The following TMEM209 variants were observed in gnomAD, a reference collection of about 807,000 sequenced individuals.
The protein encoded by TMEM209 is testicular tissue protein Li 202.
In TMEM209, 65 loss-of-function variants were observed where a neutral mutation model predicts 76.2. That is an observed-to-expected ratio of 0.85 (90% CI 0.70 to 1.05). The LOEUF is 1.05. Among genes scored for constraint, TMEM209 ranks in the 50% least tolerant of loss-of-function variants. The pLI, the probability that TMEM209 is intolerant of heterozygous loss-of-function variation, is 0.00. For synonymous variants in TMEM209, 239 were observed against 237.6 expected, an observed-to-expected ratio of 1.01 and a Z score of -0.06; for missense variants, 623 against 685.5, an observed-to-expected ratio of 0.91 and a Z score of 1.02.
Position 130,202,170 on chromosome 7 carries a change from C to G in TMEM209, c.332-79G>C, listed in dbSNP as rs1333157468. On this transcript the variant is annotated intron_variant, in intron 4 of 14. Transcript: ENST00000397622. ...CGAAAATATATTTAAGCAACTAAGTCTTTCTCTTAAGGGAAAAAAGTTAAC... is the reference window on the plus strand; with the variant it reads ...CGAAAATATATTTAAGCAACTAAGTGTTTCTCTTAAGGGAAAAAAGTTAAC... The G allele has an allele frequency of 5.4e-6, 8 of 1,494,618 alleles. No homozygotes were observed. In the East Asian group the frequency reaches 1.8e-4, roughly 34 times the overall value. The allele number at this position is 1,494,618 out of a possible 1,614,324, so 92.6% of individuals were successfully genotyped here.
intron 14 of TMEM209, among the ~76,000 whole-genome samples, 185 bp downstream of exon 14, chr7:130,170,215 T>C (rs1045859067): frequency 2.0e-5 from 3 of 152,238 alleles, no homozygotes; most frequent in African/African-American, 7.2e-5. Context: ...CTTTTACCAA[T>C]GGGTTCCGAG....
chr7:130,168,832 T>C (rs1468433612), intron 14 of TMEM209, among the ~76,000 whole-genome samples: 3 of 152,218 alleles, frequency 2.0e-5, no homozygotes, highest in Admixed American at 2.0e-4. Flanking sequence ...TTTAAATACT[T>C]ATCTACTGAG....
chr7:130,178,460 T>C lies in TMEM209; in HGVS notation c.1188A>G (p.Thr396=), dbSNP rs764470166. 2 of 1,613,720 alleles carry C rather than the reference T, an allele frequency of 1.2e-6. No homozygotes were observed. Among genetic ancestry groups the C allele is most frequent in the South Asian group, 1.1e-5 (1 of 91,068 alleles). The change falls in exon 10 of 15, where the codon ACA becomes ACG. Residue 396 remains threonine, a synonymous_variant. Coordinates refer to ENST00000397622, the MANE Select transcript of TMEM209 (RefSeq NM_032842.4). ...VKAPLIPTLN[T]IVQYLDLTPN... ...GAGTAAGGTCTAGATACTGAACGAT[T>C]GTGTTCAAAGTCGGAATGAGAGGCG...
At chr7:130,171,741 T>TA (rs1797073494) in intron 13 of TMEM209, among the ~76,000 whole-genome samples, 1 of 151,694 alleles carries the variant, frequency 6.6e-6, no homozygotes, top group Admixed American at 6.6e-5. Flanking sequence ...TAATTAAGAG[T>TA]AAAAAACCAG....
At chr7:130,184,151 T>A (rs1223563760) in intron 8 of TMEM209, 33 bp downstream of exon 8, 5 of 1,456,194 alleles carry the variant, frequency 3.4e-6, no homozygotes, top group Non-Finnish European at 4.7e-6. Flanking sequence ...TAAGAGGCAC[T>A]AATATTGTCC....
chr7:130,184,882 T>G (rs550683175), intron 7 of TMEM209, among the ~76,000 whole-genome samples: 28 of 152,246 alleles, frequency 1.8e-4, no homozygotes, highest in Non-Finnish European at 3.8e-4. Context: ...AAATATATTT[T>G]AAAAGCAAGA....
chr7:130,175,456 T>C, intron 11 of TMEM209, 56 bp downstream of exon 11: 1 of 1,503,354 alleles, frequency 6.7e-7, no homozygotes, highest in East Asian at 2.4e-5. Flanking sequence ...AGTAAGACCC[T>C]GTGTCAGTCA....
intron 13 of TMEM209, among the ~76,000 whole-genome samples, chr7:130,171,564 T>C (rs1421215877): frequency 5.3e-5 from 8 of 152,206 alleles, no homozygotes; most frequent in Non-Finnish European, 4.4e-5. Flanking sequence ...TGGCCCAAAG[T>C]ATTTACATAC....
chr7:130,184,079 A>G (rs1584678902), intron 8 of TMEM209, 105 bp downstream of exon 8: 2 of 733,050 alleles, frequency 2.7e-6, no homozygotes, highest in East Asian at 2.8e-5. Context: ...CTGTACCTTT[A>G]TAACTAATAT....
In TMEM209 at chr7:130,166,339, A is replaced by G. The variant is rs1355003314; in HGVS notation, c.*112T>C. ...TTTCTGTTAAATCTAAAGAGTCTGT[A>G]ACATACACCCATGTGTATTTTATTT... On this transcript the variant is annotated 3_prime_UTR_variant, in exon 15 of 15. Transcript: ENST00000397622. 1.3e-6 allele frequency: 1 copy of G among 758,242 alleles called. No homozygotes were observed. Among genetic ancestry groups the G allele is most frequent in the Non-Finnish European group, 2.0e-6 (1 of 495,476 alleles). 47.0% of individuals were successfully genotyped at this position (758,242 alleles called of 1,614,324 possible).
intron 5 of TMEM209, among the ~76,000 whole-genome samples, chr7:130,201,527 C>A (rs770590662): frequency 1.3e-4 from 19 of 151,990 alleles, no homozygotes; most frequent in Non-Finnish European, 2.2e-4. Context: ...ACAAAGGCCT[C>A]ACATGAAGAA....
In TMEM209 at chr7:130,173,647, T is replaced by A; in HGVS notation, c.1542A>T (p.Val514=). The change falls in exon 13 of 15, where the codon GTA becomes GTT. Residue 514 remains valine, a synonymous_variant. Coordinates refer to ENST00000397622, the MANE Select transcript of TMEM209 (RefSeq NM_032842.4). ...ATAGAAATACCTTTGGCAGGTTGTA[T>A]ACATGACGCTGGTAGATGAGCTCAT... ...PHYELIYQRH[V]YNLPKGRNNM... is the part of the protein sequence containing the mutation. 1 of 1,612,696 alleles carries A rather than the reference T, an allele frequency of 6.2e-7. No individual in the cohort carries two copies. Among genetic ancestry groups the A allele is most frequent in the Non-Finnish European group, 8.5e-7 (1 of 1,179,318 alleles).
intron 8 of TMEM209, among the ~76,000 whole-genome samples, 185 bp downstream of exon 8, chr7:130,183,998 GA>G (rs1038397001): frequency 2.6e-5 from 4 of 151,942 alleles, no homozygotes; most frequent in African/African-American, 4.8e-5. Context: ...TATGGAGGAA[GA>G]AAAAAATCTC....
chr7:130,189,311 C>G (rs189477483), intron 6 of TMEM209, among the ~76,000 whole-genome samples: 79 of 152,220 alleles, frequency 5.2e-4, no homozygotes, highest in Admixed American at 2.4e-3. Flanking sequence ...ATTCTCCTGC[C>G]CCAGCCTCCA....
rs1798379250 is a variant in TMEM209, at chr7:130,204,876, AAC to A, written c.3+495_3+496del. 10 of 980,432 alleles carry A rather than the reference AAC, an allele frequency of 1.0e-5. No homozygotes were observed. The South Asian group carries it at 3.8e-4, about 37-fold the overall frequency. 60.7% of individuals were successfully genotyped at this position (980,432 alleles called of 1,614,324 possible). On this transcript the variant is annotated intron_variant, in intron 1 of 14. Coordinates refer to ENST00000397622, the MANE Select transcript of TMEM209 (RefSeq NM_032842.4). ...CTCATGCAGACGCCATTACTATCTC[AAC>A]AACTCTGCACTTGGACAGCTGTACT... is the stretch of plus-strand genomic sequence containing the variant.
Position 130,177,348 on chromosome 7 carries a change from C to CA in TMEM209, c.1246+1053dup, listed in dbSNP as rs755580801. 5.5e-3 allele frequency among the ~76,000 whole-genome samples: 567 copies of CA among 102,418 alleles called. 2 individuals carry two copies. The highest frequency in any genetic ancestry group is 0.018 in the East Asian group (52 of 2,948). 67.2% of individuals were successfully genotyped at this position (102,418 alleles called of 152,430 possible). A position where few individuals can be genotyped will look rare whatever the true frequency, so the allele number is the denominator to read the frequency against. ...CCTGGCGACAGAGAGAGACTGTCTCCAAAAAAAAAAAAAAAAGAATGATAA... is the reference window on the plus strand; with the variant it reads ...CCTGGCGACAGAGAGAGACTGTCTCCAAAAAAAAAAAAAAAAAGAATGATAA... On this transcript the variant is annotated intron_variant, in intron 10 of 14. Coordinates refer to ENST00000397622, the MANE Select transcript of TMEM209 (RefSeq NM_032842.4).
At chr7:130,205,267 G>C (rs1186335787) in intron 1 of TMEM209, 106 bp downstream of exon 1, 1 of 1,610,880 alleles carries the variant, frequency 6.2e-7, no homozygotes, top group Non-Finnish European at 8.5e-7. Flanking sequence ...GGAACGCCTA[G>C]CCACATCCCC....
rs899122469 is a variant in TMEM209 at position 130,172,335 on chromosome 7, ATTTAT to A, written c.1557+1292_1557+1296del. ...TGAAGATACATTTTCAGCAGTATTT[ATTTAT>A]TTTATTTTATTTATTTTTTTGAGAC... On this transcript the variant is annotated intron_variant, in intron 13 of 14. Transcript: ENST00000397622. Among the ~76,000 whole-genome samples the A allele has an allele frequency of 4.8e-4, 73 of 152,116 alleles. 1 individual carries two copies. Among genetic ancestry groups the A allele is most frequent in the African/African-American group, 1.5e-3 (62 of 41,526 alleles).
At chr7:130,175,364 G>C in intron 11 of TMEM209, 148 bp downstream of exon 11, 2 of 650,862 alleles carry the variant, frequency 3.1e-6, no homozygotes, top group Non-Finnish European at 5.0e-6. Flanking sequence ...GGGAGGCTGA[G>C]CTGGGAGGAG....
Sources: allele counts gnomAD v4.1 joint callset (sites outside exome capture counted in the v4.1 genomes callset), GRCh38; gene constraint gnomAD v4.1.1; transcripts MANE v1.5; gene names NCBI Gene and HGNC (gene_info 2026-07-23, HGNC 2026-07-21).